Variants in STAM2 observed in about 807,000 individuals in gnomAD.
STAM2 encodes the protein signal transducing adaptor molecule 2, also known as signal transducing adapter molecule 2.
A neutral mutation model predicts 65.6 loss-of-function variants in STAM2; 51 were observed. The ratio of observed to expected loss-of-function variants is 0.78; its 90% CI spans 0.62 to 0.98. The LOEUF is 0.98. Among genes scored for constraint, STAM2 ranks in the 50% least tolerant of loss-of-function variants. The pLI, the probability that STAM2 is intolerant of heterozygous loss-of-function variation, is 0.00. For synonymous variants in STAM2, 198 were observed against 208.4 expected (o/e 0.95, Z 0.43); for missense variants, 584 against 617.8 (o/e 0.95, Z 0.58).
Position 152,137,012 on chromosome 2 carries a change from G to A in STAM2, c.705-1409C>T, listed in dbSNP as rs111890262. Among the ~76,000 whole-genome samples the A allele has an allele frequency of 9.0e-3, 1,337 of 149,320 alleles. 10 individuals carry two copies. Among genetic ancestry groups the A allele is most frequent in the Middle Eastern group, 0.017 (5 of 288 alleles). On this transcript the variant is annotated intron_variant, in intron 7 of 13. Coordinates refer to ENST00000263904, the MANE Select transcript of STAM2 (RefSeq NM_005843.6). ...CAGATTCAAGAAATTCTCCTGTCAC[G>A]GTCTCCCAAGTAGCTGGGACTACAG...
intron 11 of STAM2, among the ~76,000 whole-genome samples, chr2:152,130,413 G>C (rs573004646): frequency 6.6e-6 from 1 of 151,810 alleles, no homozygotes; most frequent in Non-Finnish European, 1.5e-5. Flanking sequence ...CACCACGCCC[G>C]GCTAATTTTT....
chr2:152,166,069 G>A (rs952641992), intron 1 of STAM2, among the ~76,000 whole-genome samples: 1 of 152,102 alleles, frequency 6.6e-6, no homozygotes, highest in Admixed American at 6.5e-5. Flanking sequence ...CAGGCATGGT[G>A]GTGCACATCT....
chr2:152,146,271 C>CAAAAA (rs201803866), intron 5 of STAM2, among the ~76,000 whole-genome samples: 27 of 97,174 alleles, frequency 2.8e-4, no homozygotes, highest in African/African-American at 7.8e-4. Flanking sequence ...AACTCCATCT[C>CAAAAA]AAAAAAAAAA....
At chr2:152,173,416 G>A (rs958561511) in intron 1 of STAM2, among the ~76,000 whole-genome samples, 1 of 100,536 alleles carries the variant, frequency 9.9e-6, no homozygotes, top group Non-Finnish European at 2.2e-5. Flanking sequence ...ATTTTTTTTC[G>A]AGACGGAGTC....
chr2:152,167,427 G>A (rs1326324478), intron 1 of STAM2, among the ~76,000 whole-genome samples: 1 of 152,174 alleles, frequency 6.6e-6, no homozygotes, highest in Non-Finnish European at 1.5e-5. Context: ...ATGCCAATAA[G>A]TCAATGTGAA....
Position 152,117,936 on chromosome 2 carries a change from A to T in STAM2, c.*2638T>A, listed in dbSNP as rs996193655. 2.0e-5 allele frequency: 3 copies of T among 152,212 alleles called. No homozygotes were observed. The highest frequency in any genetic ancestry group is 4.4e-5 in the Non-Finnish European group (3 of 68,014). The allele number at this position is 152,212 out of a possible 1,614,324, so 9.4% of individuals were successfully genotyped here. ...AAATATAATTACCTAATGTTTAAGT[A>T]ATTTTATAAATAAATTACCAAATTA... On this transcript the variant is annotated 3_prime_UTR_variant, in exon 14 of 14. Transcript: ENST00000263904.
At chr2:152,168,579 T>C (rs1207752245) in intron 1 of STAM2, among the ~76,000 whole-genome samples, 2 of 152,252 alleles carry the variant, frequency 1.3e-5, no homozygotes, top group Non-Finnish European at 2.9e-5. Context: ...CAGAAAATCA[T>C]TCTCTTCTTG....
At chr2:152,172,495 A>G (rs943296164) in intron 1 of STAM2, among the ~76,000 whole-genome samples, 4 of 152,190 alleles carry the variant, frequency 2.6e-5, no homozygotes, top group Non-Finnish European at 5.9e-5. Flanking sequence ...ATTAATCTTT[A>G]AAGGCCTTTA....
rs187251493 is a variant in STAM2 at position 152,122,166 on chromosome 2, C to T, written c.1350-1364G>A. ...TAGGGCTGAGCTTGGAGGCTTATGGCTTTAATCCCAGCATTTTGGGAGGCC... is the reference window on the plus strand; with the variant it reads ...TAGGGCTGAGCTTGGAGGCTTATGGTTTTAATCCCAGCATTTTGGGAGGCC... On this transcript the variant is annotated intron_variant, in intron 13 of 13. Coordinates refer to ENST00000263904, the MANE Select transcript of STAM2 (RefSeq NM_005843.6). Among the ~76,000 whole-genome samples the T allele has an allele frequency of 1.0e-3, 154 of 151,544 alleles. 2 individuals are homozygous for T. The highest frequency in any genetic ancestry group is 5.4e-4 in the Non-Finnish European group (37 of 67,972).
intron 1 of STAM2, among the ~76,000 whole-genome samples, chr2:152,161,923 A>G (rs779844599): frequency 7.9e-5 from 12 of 152,072 alleles, no homozygotes; most frequent in Non-Finnish European, 1.2e-4. Flanking sequence ...CCTGGGTTCA[A>G]ACGATTTTCC....
intron 1 of STAM2, among the ~76,000 whole-genome samples, chr2:152,156,577 G>C (rs1689559062): frequency 6.6e-6 from 1 of 152,054 alleles, no homozygotes; most frequent in South Asian, 2.1e-4. Flanking sequence ...TTCATCACCA[G>C]GCTTTGATTA....
intron 12 of STAM2, among the ~76,000 whole-genome samples, chr2:152,125,520 C>T (rs918005370): frequency 2.6e-5 from 4 of 152,108 alleles, no homozygotes; most frequent in African/African-American, 4.8e-5. Context: ...TTTCAAAAAA[C>T]GCTTCCGAAT....
chr2:152,136,521 C>T (rs1689157591), intron 7 of STAM2, among the ~76,000 whole-genome samples: 1 of 152,138 alleles, frequency 6.6e-6, no homozygotes, highest in African/African-American at 2.4e-5. Flanking sequence ...AATCCCAGCA[C>T]CACATCCATC....
At chr2:152,161,169 C>T (rs911265255) in intron 1 of STAM2, among the ~76,000 whole-genome samples, 15 of 151,942 alleles carry the variant, frequency 9.9e-5, no homozygotes, top group African/African-American at 3.4e-4. Context: ...ATTCTTCTGC[C>T]TTGGGATCCT....
At chr2:152,173,473 T>C (rs971344650) in intron 1 of STAM2, among the ~76,000 whole-genome samples, 3 of 151,196 alleles carry the variant, frequency 2.0e-5, no homozygotes, top group Non-Finnish European at 2.9e-5. Context: ...ATTGGCTCAC[T>C]GCAACCTCCG....
chr2:152,173,697 C>G (rs545645588), intron 1 of STAM2, among the ~76,000 whole-genome samples: 1 of 152,140 alleles, frequency 6.6e-6, no homozygotes, highest in African/African-American at 2.4e-5. Flanking sequence ...GCGCCTGACC[C>G]TTGCTTTGTA....
Position 152,133,391 on chromosome 2 carries a change from A to G in STAM2, c.882+11T>C. On this transcript the variant is annotated intron_variant, in intron 9 of 13. Coordinates refer to ENST00000263904, the MANE Select transcript of STAM2 (RefSeq NM_005843.6). ...TGATAGTTTAACTATTAAACAAAAG[A>G]GGGACCCTACCTCATCTATATAAAC... 6.2e-7 allele frequency: 1 copy of G among 1,603,880 alleles called. No homozygotes were observed. The highest frequency in any genetic ancestry group is 8.5e-7 in the Non-Finnish European group (1 of 1,173,702).
rs1688764633 is a variant in STAM2, at chr2:152,117,273, C to T, written c.*3301G>A. On this transcript the variant is annotated 3_prime_UTR_variant, in exon 14 of 14. Transcript: ENST00000263904. ...TCACTGCAGCCTCAAGCAATACTCC[C>T]ACCTCAGCCTACTGACTAGCTGGGA... 1 of 152,052 alleles carries T rather than the reference C, an allele frequency of 6.6e-6. No homozygotes were observed. Among genetic ancestry groups the T allele is most frequent in the Non-Finnish European group, 1.5e-5 (1 of 68,024 alleles). 9.4% of individuals were successfully genotyped at this position (152,052 alleles called of 1,614,324 possible).
At chr2:152,121,720 T>C (rs1360934989) in intron 13 of STAM2, among the ~76,000 whole-genome samples, 1 of 152,188 alleles carries the variant, frequency 6.6e-6, no homozygotes, top group Admixed American at 6.5e-5. Context: ...TTTGTTCCTA[T>C]AACTACTGTG....
Sources: gnomAD v4.1 joint callset for allele counts (sites outside exome capture counted in the v4.1 genomes callset) on GRCh38, gnomAD v4.1.1 for gene constraint, MANE v1.5 for transcripts, NCBI Gene and HGNC (gene_info 2026-07-23, HGNC 2026-07-21) for gene names.